FOXN3: variants seen among roughly 807,000 people sequenced by gnomAD.
The protein encoded by FOXN3 is forkhead box protein N3.
FOXN3 carries 7 observed loss-of-function variants against 38.4 expected under a neutral mutation model. The observed-to-expected ratio is 0.18, with a 90% confidence interval of 0.10 to 0.34. The LOEUF (loss-of-function observed/expected upper bound fraction) is 0.34, where lower values mean the gene tolerates loss of function less well. Ranked by LOEUF, FOXN3 falls within the 10% of genes least tolerant of loss-of-function variation. FOXN3 has a pLI of 1.00. For missense variants in FOXN3, 456 were observed against 613.4 expected (o/e 0.74, Z 2.71); for synonymous variants, 230 against 242.2 (o/e 0.95, Z 0.47).
At chr14:89,587,458 A>G (rs1895862399) in intron 1 of FOXN3, among the ~76,000 whole-genome samples, 1 of 152,214 alleles carries the variant, frequency 6.6e-6, no homozygotes, top group African/African-American at 2.4e-5. Context: ...CAGATGATAG[A>G]GAACGATAAG....
intron 1 of FOXN3, among the ~76,000 whole-genome samples, chr14:89,464,851 C>T (rs1286589384): frequency 6.6e-6 from 1 of 152,140 alleles, no homozygotes; most frequent in Non-Finnish European, 1.5e-5. Flanking sequence ...CTGCCCACCA[C>T]CACGCCCGGC....
intron 1 of FOXN3, among the ~76,000 whole-genome samples, chr14:89,431,626 A>G (rs1336756615): frequency 1.3e-5 from 2 of 152,034 alleles, no homozygotes; most frequent in Non-Finnish European, 2.9e-5. Flanking sequence ...GATATGTTTT[A>G]TTTTTTTAGA....
At chr14:89,329,966 C>T (rs545670048) in intron 3 of FOXN3, among the ~76,000 whole-genome samples, 3 of 150,268 alleles carry the variant, frequency 2.0e-5, no homozygotes, top group South Asian at 2.1e-4. Context: ...ACTATGCTAA[C>T]GGTTTCAAGA....
intron 4 of FOXN3, among the ~76,000 whole-genome samples, chr14:89,255,691 C>G (rs1169291020): frequency 6.6e-6 from 1 of 152,130 alleles, no homozygotes; most frequent in Non-Finnish European, 1.5e-5. Context: ...GGCCCTTGCT[C>G]CTGGCCCAGG....
intron 4 of FOXN3, among the ~76,000 whole-genome samples, chr14:89,239,615 G>A (rs1213629005): frequency 3.9e-5 from 6 of 152,288 alleles, no homozygotes; most frequent in East Asian, 1.9e-4. Context: ...CCTTTGGAGC[G>A]GGTTCCTGAA....
chr14:89,611,622 C>CA (rs1896392832), intron 1 of FOXN3, among the ~76,000 whole-genome samples: 1 of 151,942 alleles, frequency 6.6e-6, no homozygotes, highest in African/African-American at 2.4e-5. Flanking sequence ...CTGGTTAACA[C>CA]GGTGAAACCC....
At chr14:89,310,696 T>TACC (rs1887512944) in intron 3 of FOXN3, among the ~76,000 whole-genome samples, 1 of 152,174 alleles carries the variant, frequency 6.6e-6, no homozygotes, top group Admixed American at 6.5e-5. Context: ...GCACCATATA[T>TACC]ACCACACTAA....
At position 89,600,799 on chromosome 14, in the gene FOXN3, C is replaced by G. The variant is rs116390608; in HGVS notation, c.-15+18229G>C. ...TGGTGCATTTGTGTAGTTTTGGAAA[C>G]TCCTTCAAGCAAGAGAGAAATTTTT... On this transcript the variant is annotated intron_variant, in intron 1 of 6. Transcript: ENST00000345097. Among the ~76,000 whole-genome samples the G allele has an allele frequency of 8.8e-3, 1,343 of 152,258 alleles. 14 individuals are homozygous for G. Among genetic ancestry groups the G allele is most frequent in the African/African-American group, 0.03 (1,264 of 41,540 alleles).
intron 4 of FOXN3, among the ~76,000 whole-genome samples, chr14:89,187,890 A>C (rs983461062): frequency 6.6e-6 from 1 of 151,958 alleles, no homozygotes; most frequent in Non-Finnish European, 1.5e-5. Flanking sequence ...CTTGCCCTTG[A>C]CCTCCAGGGC....
intron 3 of FOXN3, among the ~76,000 whole-genome samples, chr14:89,300,697 T>C (rs1008908413): frequency 2.0e-5 from 3 of 152,222 alleles, no homozygotes; most frequent in East Asian, 1.9e-4. Context: ...GCTGATGACA[T>C]AGAAGGGACA....
Position 89,176,571 on chromosome 14 carries a change from G to A in FOXN3, c.851+4130C>T, listed in dbSNP as rs986401994. 1.6e-4 allele frequency among the ~76,000 whole-genome samples: 24 copies of A among 152,198 alleles called. 1 individual carries two copies. The East Asian group carries it at 4.6e-3, about 29-fold the overall frequency. On this transcript the variant is annotated intron_variant, in intron 5 of 5. Coordinates refer to ENST00000557258, the MANE Select transcript of FOXN3 (RefSeq NM_005197.4). ...ACACAGAATACTTGGGCACTGCCAC[G>A]TGGTCTGGGAGATAACATTCTGTGT...
At chr14:89,461,252 G>A (rs559513258) in intron 1 of FOXN3, among the ~76,000 whole-genome samples, 12 of 151,688 alleles carry the variant, frequency 7.9e-5, no homozygotes, top group African/African-American at 2.2e-4. Flanking sequence ...CAGGAGAATC[G>A]CTTGAACCTG....
intron 1 of FOXN3, among the ~76,000 whole-genome samples, chr14:89,560,217 G>A (rs895306794): frequency 6.6e-6 from 1 of 152,122 alleles, no homozygotes. Flanking sequence ...ACTGCAAGAG[G>A]GAAATTTGCC....
At chr14:89,427,531 C>T (rs1892066595) in intron 1 of FOXN3, among the ~76,000 whole-genome samples, 1 of 146,816 alleles carries the variant, frequency 6.8e-6, no homozygotes, top group Admixed American at 6.8e-5. Flanking sequence ...CTTGGCCAGG[C>T]TGGTCTCCAG....
chr14:89,614,497 C>T (rs1896454349), intron 1 of FOXN3, among the ~76,000 whole-genome samples: 1 of 152,164 alleles, frequency 6.6e-6, no homozygotes, highest in Non-Finnish European at 1.5e-5. Flanking sequence ...TCACTAATTG[C>T]CACCTTTTTC....
chr14:89,260,994 T>G (rs566172708), intron 4 of FOXN3, among the ~76,000 whole-genome samples: 60 of 152,364 alleles, frequency 3.9e-4, no homozygotes, highest in Non-Finnish European at 7.6e-4. Flanking sequence ...TTGCTCAGTC[T>G]GCTACCTGTG....
At chr14:89,325,897 A>G (rs1257343341) in intron 3 of FOXN3, among the ~76,000 whole-genome samples, 1 of 152,244 alleles carries the variant, frequency 6.6e-6, no homozygotes, top group African/African-American at 2.4e-5. Flanking sequence ...CAAGTAAGAT[A>G]GCATGGCTGC....
chr14:89,559,941 T>C (rs1423075800), intron 1 of FOXN3, among the ~76,000 whole-genome samples: 1 of 152,102 alleles, frequency 6.6e-6, no homozygotes, highest in Non-Finnish European at 1.5e-5. Flanking sequence ...CATGAACCAG[T>C]AGTGAGCTGT....
intron 3 of FOXN3, among the ~76,000 whole-genome samples, chr14:89,303,553 G>C (rs1469579811): frequency 6.7e-6 from 1 of 149,650 alleles, no homozygotes; most frequent in Non-Finnish European, 1.5e-5. Flanking sequence ...CTGGTATTAT[G>C]ATCCTCATTT....
Sources: gnomAD v4.1 joint callset for allele counts (sites outside exome capture counted in the v4.1 genomes callset) on GRCh38, gnomAD v4.1.1 for gene constraint, MANE v1.5 for transcripts, NCBI Gene and HGNC (gene_info 2026-07-23, HGNC 2026-07-21) for gene names.